Variants in PCDHGB5 observed in about 807,000 individuals in gnomAD.
PCDHGB5 encodes the protein protocadherin gamma-B5.
Under a neutral mutation model 62.9 loss-of-function variants are expected in PCDHGB5, and 48 were observed. The observed-to-expected ratio is 0.76, with a 90% confidence interval of 0.61 to 0.97. The LOEUF is 0.97. Ranked by LOEUF, PCDHGB5 falls within the 50% of genes least tolerant of loss-of-function variation. PCDHGB5 has a pLI of 0.00. For synonymous variants in PCDHGB5, 474 were observed against 511.2 expected, an observed-to-expected ratio of 0.93 and a Z score of 0.98; for missense variants, 1,118 against 1,198.6, an observed-to-expected ratio of 0.93 and a Z score of 0.99.
intron 1 of PCDHGB5, among the ~76,000 whole-genome samples, chr5:141,446,698 G>A (rs750413432): frequency 2.0e-5 from 3 of 152,186 alleles, no homozygotes; most frequent in Admixed American, 6.5e-5. Flanking sequence ...GGCTGGTCTC[G>A]AACTCTGATC....
intron 1 of PCDHGB5, among the ~76,000 whole-genome samples, chr5:141,449,848 T>C (rs7713034): frequency 0.29 from 44,283 of 151,474 alleles, 7,514 homozygotes; most frequent in African/African-American, 0.48. Flanking sequence ...AATTAAATTT[T>C]AATAATAAAA....
In PCDHGB5 at chr5:141,486,128, G is replaced by C. The variant is rs1447222839; in HGVS notation, c.2398-8679G>C. ...TGAGAGTGAGAATTACTATGAATTT[G>C]ATGTGCGGGCTCGCGATGGGGGTTC... is the stretch of plus-strand genomic sequence containing the variant. On this transcript the variant is annotated intron_variant, in intron 1 of 3. Transcript: ENST00000617380. This position sits in a 1 kb window ranked among gnomAD's most constrained non-coding sequence, Gnocchi z 5.0. 6.2e-7 allele frequency: 1 copy of C among 1,614,066 alleles called. No homozygotes were observed. Among genetic ancestry groups the C allele is most frequent in the Non-Finnish European group, 8.5e-7 (1 of 1,180,034 alleles).
Position 141,420,177 on chromosome 5 carries a change from A to G in PCDHGB5, c.2397+19653A>G, listed in dbSNP as rs1188698450. The G allele has an allele frequency of 2.5e-6, 4 of 1,613,992 alleles. No homozygotes were observed. Among genetic ancestry groups the G allele is most frequent in the South Asian group, 2.2e-5 (2 of 91,086 alleles). ...TTTAATTTTTTCACATCTGTTGATC[A>G]TTGTCCAGCCACACAAGATAACCTC... On this transcript the variant is annotated intron_variant, in intron 1 of 3. Coordinates refer to ENST00000617380, the MANE Select transcript of PCDHGB5 (RefSeq NM_018925.3).
Position 141,486,200 on chromosome 5 carries a change from G to A in PCDHGB5, c.2398-8607G>A, listed in dbSNP as rs764874531. The stretch of plus-strand genomic sequence containing the variant: ...CAGCCTTCGAGTGGATCTGCTGGAC[G>A]TAAATGACAATGCCCCTTACATCAC... On this transcript the variant is annotated intron_variant, in intron 1 of 3. Transcript: ENST00000617380. The surrounding 1 kb of genome is among the most constrained non-coding windows in gnomAD (Gnocchi z 5.0). The A allele has an allele frequency of 2.0e-5, 32 of 1,614,096 alleles. No homozygotes were observed. Among genetic ancestry groups the A allele is most frequent in the Non-Finnish European group, 2.3e-5 (27 of 1,180,040 alleles).
chr5:141,408,555 A>G, intron 1 of PCDHGB5: 1 of 1,614,052 alleles, frequency 6.2e-7, no homozygotes, highest in South Asian at 1.1e-5. Flanking sequence ...AATATTTTTC[A>G]TGTCATTGTG....
In PCDHGB5 at chr5:141,404,831, C is replaced by T. The variant is rs760971907; in HGVS notation, c.2397+4307C>T. 12 of 1,613,738 alleles carry T rather than the reference C, an allele frequency of 7.4e-6. No homozygotes were observed. The highest frequency in any genetic ancestry group is 3.3e-5 in the Admixed American group (2 of 59,978). On this transcript the variant is annotated intron_variant, in intron 1 of 3. Transcript: ENST00000617380. ...GGTGGGGCTGCACACAGGTGAAGTGCGCACAGCTCGGGCCCTGCTAGATAG... is the reference window on the plus strand; with the variant it reads ...GGTGGGGCTGCACACAGGTGAAGTGTGCACAGCTCGGGCCCTGCTAGATAG...
At chr5:141,401,838 T>C in intron 1 of PCDHGB5, among the ~76,000 whole-genome samples, 1 of 152,232 alleles carries the variant, frequency 6.6e-6, no homozygotes, top group East Asian at 1.9e-4. Context: ...TTTCTTATAA[T>C]ACCACTTACT....
intron 1 of PCDHGB5, chr5:141,419,056 T>C (rs2096318283): frequency 6.2e-7 from 1 of 1,613,836 alleles, no homozygotes; most frequent in Non-Finnish European, 8.5e-7. Context: ...CTTCTTCTAA[T>C]AATTACTACA....
chr5:141,419,426 G>A (rs753089031), intron 1 of PCDHGB5: 19 of 1,613,194 alleles, frequency 1.2e-5, no homozygotes, highest in Non-Finnish European at 1.5e-5. Context: ...CTTCGACCAC[G>A]AGCAGCTGCG....
intron 1 of PCDHGB5, chr5:141,413,527 G>A (rs768496934): frequency 1.2e-6 from 2 of 1,613,938 alleles, no homozygotes; most frequent in Non-Finnish European, 1.7e-6. Flanking sequence ...GGAAGACAGG[G>A]TGAAACTTTT....
At chr5:141,407,960 C>T in intron 1 of PCDHGB5, 1 of 669,186 alleles carries the variant, frequency 1.5e-6, no homozygotes, top group Non-Finnish European at 2.4e-6. Flanking sequence ...CAGTGCAGAG[C>T]AAGCGCTGAC....
intron 1 of PCDHGB5, among the ~76,000 whole-genome samples, chr5:141,425,668 T>C (rs2096887740): frequency 1.3e-5 from 2 of 152,260 alleles, no homozygotes; most frequent in South Asian, 4.1e-4. Context: ...GCACATCAGA[T>C]TGAAAATAAT....
At position 141,399,805 on chromosome 5, in the gene PCDHGB5, T is replaced by C. The variant is rs776266997; in HGVS notation, c.1678T>C (p.Tyr560His). 1.6e-5 allele frequency: 26 copies of C among 1,613,074 alleles called. No individual in the cohort carries two copies. The highest frequency in any genetic ancestry group is 8.5e-7 in the Non-Finnish European group (1 of 1,179,750). The part of the protein sequence containing the change: ...DRNDNAPRVL[Y>H]PALGPDGSAL... Reference sequence around the variant, plus strand: ...AAACGACAACGCACCGCGGGTGCTGTACCCCGCGCTGGGTCCCGACGGCTC... The same window carrying C: ...AAACGACAACGCACCGCGGGTGCTGCACCCCGCGCTGGGTCCCGACGGCTC... The change falls in exon 1 of 4, where the codon TAC becomes CAC. Residue 560 changes from tyrosine to histidine, a missense_variant. Coordinates refer to ENST00000617380, the MANE Select transcript of PCDHGB5 (RefSeq NM_018925.3).
chr5:141,490,229 T>C lies in PCDHGB5; in HGVS notation c.2398-4578T>C. The C allele has an allele frequency of 6.2e-7, 1 of 1,614,198 alleles. No individual in the cohort carries two copies. Among genetic ancestry groups the C allele is most frequent in the Non-Finnish European group, 8.5e-7 (1 of 1,180,034 alleles). On this transcript the variant is annotated intron_variant, in intron 1 of 3. Coordinates refer to ENST00000617380, the MANE Select transcript of PCDHGB5 (RefSeq NM_018925.3). The surrounding 1 kb of genome is among the most constrained non-coding windows in gnomAD (Gnocchi z 5.4). ...GCCCGTGACCAGGGACAGCCTGCCA[T>C]GGAGGGCCACTGTGTGATTCAAGTG... is the stretch of plus-strand genomic sequence containing the variant.
chr5:141,409,238 G>A (rs2095245468), intron 1 of PCDHGB5: 1 of 1,614,002 alleles, frequency 6.2e-7, no homozygotes, highest in Non-Finnish European at 8.5e-7. Flanking sequence ...CAACAGCCCA[G>A]AAATAATCAT....
In PCDHGB5 at chr5:141,485,125, G is replaced by A. The variant is rs776015544; in HGVS notation, c.2398-9682G>A. 7.1e-7 allele frequency: 1 copy of A among 1,412,160 alleles called. No homozygotes were observed. The highest frequency in any genetic ancestry group is 1.2e-5 in the South Asian group (1 of 81,022). The allele number at this position is 1,412,160 out of a possible 1,614,324, so 87.5% of individuals were successfully genotyped here. On this transcript the variant is annotated intron_variant, in intron 1 of 3. Transcript: ENST00000617380. This position sits in a 1 kb window ranked among gnomAD's most constrained non-coding sequence, Gnocchi z 5.7. ...CTGCTGTGGCTGTTTGGGGCGGGTC[G>A]GCTTCATCCGCGTCTCAGGAGCAAG... is the stretch of plus-strand genomic sequence containing the variant.
intron 1 of PCDHGB5, among the ~76,000 whole-genome samples, chr5:141,470,290 C>T (rs1226383020): frequency 1.3e-5 from 2 of 152,148 alleles, no homozygotes; most frequent in Non-Finnish European, 2.9e-5. Context: ...TATTGGTTAA[C>T]TGTTTTTATT....
intron 1 of PCDHGB5, chr5:141,419,209 G>C: frequency 6.2e-7 from 1 of 1,613,900 alleles, no homozygotes; most frequent in Admixed American, 1.7e-5. Context: ...ACAACGCGCC[G>C]GTTTTCGGAC....
At chr5:141,484,801 A>G (rs1285617622) in intron 1 of PCDHGB5, among the ~76,000 whole-genome samples, 3 of 152,024 alleles carry the variant, frequency 2.0e-5, no homozygotes, top group African/African-American at 7.2e-5. Flanking sequence ...CAACCCGTGG[A>G]AAAACATGCC....
Sources: allele counts gnomAD v4.1 joint callset (sites outside exome capture counted in the v4.1 genomes callset), GRCh38; gene constraint gnomAD v4.1.1; non-coding constraint Gnocchi (gnomAD v3.1); transcripts MANE v1.5; gene names NCBI Gene and HGNC (gene_info 2026-07-23, HGNC 2026-07-21).